SMG6: variants seen among roughly 807,000 people sequenced by gnomAD.
SMG6 encodes telomerase-binding protein EST1A.
A neutral mutation model predicts 142.2 loss-of-function variants in SMG6; 66 were observed. The observed-to-expected ratio is 0.46, with a 90% CI of 0.38 to 0.57. SMG6 has a LOEUF of 0.57. Ranked by LOEUF, SMG6 falls within the 20% of genes least tolerant of loss-of-function variation. The pLI, the probability that SMG6 is intolerant of heterozygous loss-of-function variation, is 0.00. For synonymous variants in SMG6, 779 were observed against 702.4 expected, an observed-to-expected ratio of 1.11 and a Z score of -1.72; for missense variants, 1,793 against 1,832.0, an observed-to-expected ratio of 0.98 and a Z score of 0.39.
chr17:2,109,411 G>A (rs746859196), intron 13 of SMG6, among the ~76,000 whole-genome samples: 6 of 152,088 alleles, frequency 3.9e-5, no homozygotes, highest in East Asian at 1.9e-4. Context: ...TTATAGGCGC[G>A]TGCCACCACG....
intron 13 of SMG6, among the ~76,000 whole-genome samples, chr17:2,133,973 T>A (rs2070207316): frequency 6.6e-6 from 1 of 152,260 alleles, no homozygotes; most frequent in South Asian, 2.1e-4. Context: ...GGAAGCCAAG[T>A]GGTAGAGCCC....
intron 6 of SMG6, among the ~76,000 whole-genome samples, chr17:2,286,009 GA>G (rs1187359435): frequency 1.3e-5 from 2 of 151,382 alleles, no homozygotes; most frequent in Admixed American, 1.3e-4. Context: ...GAAAGACAGA[GA>G]AAAAAAAGAA....
At chr17:2,277,357 G>A (rs216186) in intron 8 of SMG6, among the ~76,000 whole-genome samples, 40,027 of 151,298 alleles carry the variant, frequency 0.26, 5,773 homozygotes, top group East Asian at 0.58. Flanking sequence ...TAGTAGAGAC[G>A]AGGTTTCACC....
intron 13 of SMG6, among the ~76,000 whole-genome samples, chr17:2,163,080 C>T (rs1358272919): frequency 6.6e-6 from 1 of 152,198 alleles, no homozygotes; most frequent in Non-Finnish European, 1.5e-5. Flanking sequence ...GATCCTCCTG[C>T]CTCAGCCTCC....
intron 13 of SMG6, chr17:2,088,148 C>G: frequency 1.0e-6 from 1 of 985,438 alleles, no homozygotes; most frequent in Non-Finnish European, 1.2e-6. Flanking sequence ...CTGCCCAGGA[C>G]AGGAGTGTGC....
In SMG6 at chr17:2,061,253, C is replaced by T; in HGVS notation, c.*239G>A. The T allele has an allele frequency of 2.2e-6, 1 of 453,238 alleles. No individual in the cohort carries two copies. Among genetic ancestry groups the T allele is most frequent in the Non-Finnish European group, 4.0e-6 (1 of 247,642 alleles). The allele number at this position is 453,238 out of a possible 1,614,324, so 28.1% of individuals were successfully genotyped here. ...CCCAGCTGCTGTTGCTGTAGCCAGC[C>T]ACCTCCCTGCTAAATCCTGGCAGCC... is the stretch of plus-strand genomic sequence containing the variant. On this transcript the variant is annotated 3_prime_UTR_variant, in exon 19 of 19. Coordinates refer to ENST00000263073, the MANE Select transcript of SMG6 (RefSeq NM_017575.5).
At chr17:2,291,852 TAAAAAA>T (rs60668132) in intron 6 of SMG6, among the ~76,000 whole-genome samples, 5 of 133,500 alleles carry the variant, frequency 3.7e-5, no homozygotes, top group African/African-American at 8.4e-5. Context: ...CTGCCTCTCT[TAAAAAA>T]AAAAAAAAAA....
At chr17:2,287,173 C>A (rs1452294535) in intron 6 of SMG6, among the ~76,000 whole-genome samples, 2 of 152,146 alleles carry the variant, frequency 1.3e-5, no homozygotes, top group African/African-American at 4.8e-5. Context: ...CCCGCCTCGG[C>A]CTCCCAAAGT....
At chr17:2,201,755 G>A (rs1292611391) in intron 10 of SMG6, among the ~76,000 whole-genome samples, 2 of 152,038 alleles carry the variant, frequency 1.3e-5, no homozygotes, top group East Asian at 3.9e-4. Context: ...TGGGTGCGGT[G>A]GCTCATGGCT....
chr17:2,077,208 G>A (rs1461104889), intron 15 of SMG6, among the ~76,000 whole-genome samples: 1 of 152,178 alleles, frequency 6.6e-6, no homozygotes, highest in Non-Finnish European at 1.5e-5. Context: ...GCTCAATGCC[G>A]CTTGCTAAAC....
Position 2,279,461 on chromosome 17 carries a change from G to C in SMG6, c.2661+3186C>G, listed in dbSNP as rs528323809. 4.6e-5 allele frequency among the ~76,000 whole-genome samples: 7 copies of C among 152,342 alleles called. No homozygotes were observed. In the South Asian group the frequency reaches 1.4e-3, roughly 32 times the overall value. On this transcript the variant is annotated intron_variant, in intron 8 of 18. Coordinates refer to ENST00000263073, the MANE Select transcript of SMG6 (RefSeq NM_017575.5). ...AACACTTTCAAGAAGGCAGTGGCAT[G>C]ATCAGAAATGGATATTTGGAAGTTC...
chr17:2,277,871 C>T (rs932488095), intron 8 of SMG6, among the ~76,000 whole-genome samples: 1 of 152,050 alleles, frequency 6.6e-6, no homozygotes, highest in Non-Finnish European at 1.5e-5. Flanking sequence ...ATAAGGAAAT[C>T]CCATCTCTAC....
chr17:2,230,338 G>GAAA (rs2073452742), intron 10 of SMG6, among the ~76,000 whole-genome samples: 163 of 10,548 alleles, frequency 0.015, 11 homozygotes, highest in South Asian at 0.026. Context: ...AAAAAAAAAG[G>GAAA]GAAAACCACA....
intron 13 of SMG6, among the ~76,000 whole-genome samples, chr17:2,105,736 G>T (rs1431795692): frequency 1.3e-5 from 2 of 152,140 alleles, no homozygotes; most frequent in Admixed American, 1.3e-4. Flanking sequence ...GCCCTAAAAA[G>T]AGTTCTATCA....
intron 13 of SMG6, among the ~76,000 whole-genome samples, chr17:2,124,950 C>G (rs1432709412): frequency 6.6e-6 from 1 of 152,168 alleles, no homozygotes; most frequent in Non-Finnish European, 1.5e-5. Flanking sequence ...AGAACCCCAT[C>G]AGAATGATGA....
At chr17:2,088,411 G>A (rs976761736) in intron 13 of SMG6, 3 of 985,264 alleles carry the variant, frequency 3.0e-6, no homozygotes, top group Non-Finnish European at 3.6e-6. Context: ...CACAAGCAAC[G>A]AGGAGTAGCC....
intron 15 of SMG6, among the ~76,000 whole-genome samples, chr17:2,081,291 G>C (rs2068416807): frequency 6.6e-6 from 1 of 152,214 alleles, no homozygotes; most frequent in Non-Finnish European, 1.5e-5. Flanking sequence ...TGAGAGGGCT[G>C]ATGGGGGTCA....
At chr17:2,128,465 TA>T (rs2069979076) in intron 13 of SMG6, among the ~76,000 whole-genome samples, 1 of 152,066 alleles carries the variant, frequency 6.6e-6, no homozygotes, top group African/African-American at 2.4e-5. Flanking sequence ...AGAGTTAGAT[TA>T]AAAACCACCG....
At position 2,071,107 on chromosome 17, in the gene SMG6, G is replaced by A. The variant is rs2068087672; in HGVS notation, c.3682-2176C>T. Reference sequence around the variant, plus strand: ...ACAAGCATGGCTTAGGGAGACGTGGGAGCAGTGGCAGCTGGAGTGACAGGG... The same window carrying A: ...ACAAGCATGGCTTAGGGAGACGTGGAAGCAGTGGCAGCTGGAGTGACAGGG... On this transcript the variant is annotated intron_variant, in intron 15 of 18. Coordinates refer to ENST00000263073, the MANE Select transcript of SMG6 (RefSeq NM_017575.5). The surrounding 1 kb of genome is among the most constrained non-coding windows in gnomAD (Gnocchi z 5.6). 6.6e-6 allele frequency among the ~76,000 whole-genome samples: 1 copy of A among 152,168 alleles called. No homozygotes were observed. The highest frequency in any genetic ancestry group is 1.5e-5 in the Non-Finnish European group (1 of 68,038).
Sources: gnomAD v4.1 joint callset for allele counts (sites outside exome capture counted in the v4.1 genomes callset) on GRCh38, gnomAD v4.1.1 for gene constraint, Gnocchi (gnomAD v3.1) non-coding constraint, MANE v1.5 for transcripts, NCBI Gene and HGNC (gene_info 2026-07-23, HGNC 2026-07-21) for gene names.